Variants in GRID2 observed in about 807,000 individuals in gnomAD.
GRID2 encodes glutamate receptor ionotropic, delta-2.
GRID2 carries 33 observed loss-of-function variants against 114.8 expected under a neutral mutation model. The ratio of observed to expected loss-of-function variants is 0.29; its 90% confidence interval spans 0.22 to 0.38. GRID2 has a LOEUF of 0.38. Ranked by LOEUF, GRID2 falls within the 10% of genes least tolerant of loss-of-function variation. GRID2 has a pLI of 1.00. For synonymous variants in GRID2, 505 were observed against 449.9 expected (o/e 1.12, Z -1.55); for missense variants, 1,184 against 1,257.7 (o/e 0.94, Z 0.89).
At chr4:93,413,296 G>C (rs1187067318) in intron 9 of GRID2, among the ~76,000 whole-genome samples, 1 of 152,132 alleles carries the variant, frequency 6.6e-6, no homozygotes, top group Non-Finnish European at 1.5e-5. Context: ...ATTCTGACTG[G>C]TGTGAGATAA....
intron 1 of GRID2, among the ~76,000 whole-genome samples, chr4:92,476,066 C>G (rs1040800237): frequency 7.1e-6 from 1 of 140,006 alleles, no homozygotes; most frequent in African/African-American, 2.7e-5. Flanking sequence ...ACCTCTGTCT[C>G]CCAAGCTGGA....
intron 9 of GRID2, among the ~76,000 whole-genome samples, chr4:93,415,781 A>G (rs1305124863): frequency 1.3e-5 from 2 of 152,064 alleles, no homozygotes; most frequent in Non-Finnish European, 2.9e-5. Context: ...CTTGCATAAT[A>G]ATAGCTTTAA....
intron 2 of GRID2, among the ~76,000 whole-genome samples, chr4:92,842,380 G>A (rs997951698): frequency 6.6e-6 from 1 of 152,096 alleles, no homozygotes; most frequent in Non-Finnish European, 1.5e-5. Context: ...CTACAATGTG[G>A]TAGTTATTTA....
intron 6 of GRID2, among the ~76,000 whole-genome samples, chr4:93,218,311 G>T (rs960579792): frequency 9.2e-5 from 14 of 152,030 alleles, no homozygotes; most frequent in African/African-American, 3.4e-4. Context: ...ACCAGCCTGG[G>T]CAGCATGGCA....
chr4:92,904,335 TAATAA>T (rs1409915759), intron 2 of GRID2, among the ~76,000 whole-genome samples: 7 of 149,836 alleles, frequency 4.7e-5, no homozygotes, highest in South Asian at 2.1e-4. Context: ...TATAAATAAA[TAATAA>T]AATAAATAAA....
chr4:92,443,297 G>T (rs1355097698), intron 1 of GRID2, among the ~76,000 whole-genome samples: 11 of 152,120 alleles, frequency 7.2e-5, no homozygotes, highest in Non-Finnish European at 1.3e-4. Context: ...GAACTACTGT[G>T]GAGTTTGTAT....
chr4:93,581,922 T>A (rs1055657384), intron 13 of GRID2, among the ~76,000 whole-genome samples: 1 of 152,180 alleles, frequency 6.6e-6, no homozygotes, highest in South Asian at 2.1e-4. Flanking sequence ...AAGATAGAAA[T>A]GTCAACTCTT....
intron 2 of GRID2, among the ~76,000 whole-genome samples, chr4:93,002,629 A>G (rs896009091): frequency 6.6e-6 from 1 of 151,714 alleles, no homozygotes; most frequent in African/African-American, 2.4e-5. Context: ...TTTGTTTTCT[A>G]TTTTTCCCCC....
chr4:93,316,071 A>G (rs1297749860), intron 8 of GRID2, among the ~76,000 whole-genome samples: 1 of 152,034 alleles, frequency 6.6e-6, no homozygotes, highest in Non-Finnish European at 1.5e-5. Context: ...GGGTGATTCC[A>G]GGGCACATCC....
intron 4 of GRID2, among the ~76,000 whole-genome samples, chr4:93,194,945 C>T (rs1234004170): frequency 1.3e-5 from 2 of 152,138 alleles, no homozygotes; most frequent in Admixed American, 1.3e-4. Flanking sequence ...GTAAACAATA[C>T]TCAAATACAT....
chr4:93,381,347 T>C (rs9998683), intron 8 of GRID2, among the ~76,000 whole-genome samples: 104,822 of 151,952 alleles, frequency 0.69, 36,797 homozygotes, highest in African/African-American at 0.83. Flanking sequence ...TTGTGACTGA[T>C]TCATTTCACT....
At chr4:93,091,200 AT>A (rs1310601712) in intron 3 of GRID2, among the ~76,000 whole-genome samples, 1 of 152,110 alleles carries the variant, frequency 6.6e-6, no homozygotes, top group Non-Finnish European at 1.5e-5. Flanking sequence ...TCCTTGTTTT[AT>A]GCCATCAGTT....
Position 93,287,027 on chromosome 4 carries a change from A to G in GRID2, c.1245+48537A>G, listed in dbSNP as rs74872409. On this transcript the variant is annotated intron_variant, in intron 8 of 15. Coordinates refer to ENST00000282020, the MANE Select transcript of GRID2 (RefSeq NM_001510.4). ...GAAATCAAGGTAAGAAAAAATATATATGATACCCAGCGTTATCCTTCAATC... is the reference window on the plus strand; with the variant it reads ...GAAATCAAGGTAAGAAAAAATATATGTGATACCCAGCGTTATCCTTCAATC... 6.1e-4 allele frequency among the ~76,000 whole-genome samples: 93 copies of G among 152,218 alleles called. No individual in the cohort carries two copies. The East Asian group carries it at 0.016, about 26-fold the overall frequency.
intron 4 of GRID2, among the ~76,000 whole-genome samples, chr4:93,131,837 T>A (rs1734834254): frequency 6.6e-6 from 1 of 152,140 alleles, no homozygotes; most frequent in African/African-American, 2.4e-5. Flanking sequence ...CACAAATGGA[T>A]CTGTTTTTTC....
At chr4:93,144,423 G>T in intron 4 of GRID2, among the ~76,000 whole-genome samples, 1 of 152,162 alleles carries the variant, frequency 6.6e-6, no homozygotes, top group East Asian at 1.9e-4. Context: ...TTAAGCTGAG[G>T]CTTTTCTGAC....
At chr4:92,706,789 C>T (rs1393419965) in intron 2 of GRID2, among the ~76,000 whole-genome samples, 1 of 152,126 alleles carries the variant, frequency 6.6e-6, no homozygotes, top group Non-Finnish European at 1.5e-5. Flanking sequence ...GGTTTAAATA[C>T]AGATTAAATT....
chr4:93,613,667 G>A lies in GRID2; in HGVS notation c.2194-12602G>A, dbSNP rs983408452. ...ACCCACTTGAGGAGGCAGTCTGCCCGTTCTCAGATCTCCAGCTGCTTGCTG... is the reference window on the plus strand; with the variant it reads ...ACCCACTTGAGGAGGCAGTCTGCCCATTCTCAGATCTCCAGCTGCTTGCTG... On this transcript the variant is annotated intron_variant, in intron 13 of 15. Coordinates refer to ENST00000282020, the MANE Select transcript of GRID2 (RefSeq NM_001510.4). Among the ~76,000 whole-genome samples, 14 of 137,938 alleles carry A rather than the reference G, an allele frequency of 1.0e-4. No individual in the cohort carries two copies. The South Asian group carries it at 1.5e-3, about 15-fold the overall frequency. The allele number at this position is 137,938 out of a possible 152,430, so 90.5% of individuals were successfully genotyped here.
chr4:92,765,548 G>A (rs528081766), intron 2 of GRID2, among the ~76,000 whole-genome samples: 2 of 152,048 alleles, frequency 1.3e-5, no homozygotes, highest in South Asian at 2.1e-4. Flanking sequence ...CATGCAGATA[G>A]TTGATAGCTT....
intron 11 of GRID2, among the ~76,000 whole-genome samples, chr4:93,486,940 G>A (rs1315285605): frequency 6.6e-6 from 1 of 151,638 alleles, no homozygotes; most frequent in Non-Finnish European, 1.5e-5. Flanking sequence ...GGTAGATTTT[G>A]TTAGTAAGAC....
Sources: gnomAD v4.1 joint callset for allele counts (sites outside exome capture counted in the v4.1 genomes callset) on GRCh38, gnomAD v4.1.1 for gene constraint, MANE v1.5 for transcripts, NCBI Gene and HGNC (gene_info 2026-07-23, HGNC 2026-07-21) for gene names.